Variants in LRP1B observed in about 807,000 individuals in gnomAD.
The protein encoded by LRP1B is low-density lipoprotein receptor-related protein 1B.
LRP1B carries 217 observed loss-of-function variants against 556.6 expected under a neutral mutation model. That is an observed-to-expected ratio of 0.39 (90% CI 0.35 to 0.44). The LOEUF (loss-of-function observed/expected upper bound fraction) is 0.44. Among genes scored for constraint, LRP1B ranks in the 20% least tolerant of loss-of-function variants. LRP1B has a pLI of 1.00. For synonymous variants in LRP1B, 2,047 were observed against 1,865.8 expected, an observed-to-expected ratio of 1.10 and a Z score of -2.50; for missense variants, 5,053 against 5,620.8, an observed-to-expected ratio of 0.90 and a Z score of 3.23.
intron 15 of LRP1B, 85 bp from the exon 16 acceptor site, chr2:140,994,220 T>G (rs1403728113): frequency 8.2e-7 from 1 of 1,226,758 alleles, no homozygotes; most frequent in African/African-American, 1.5e-5. Context: ...GTTTTTTGTT[T>G]GTTTTAGATT....
At chr2:140,907,794 A>G in intron 22 of LRP1B, 83 bp downstream of exon 22, 1 of 1,151,730 alleles carries the variant, frequency 8.7e-7, no homozygotes, top group Non-Finnish European at 1.3e-6. Context: ...GAAAGGAATG[A>G]ATGCTACTAT....
Position 140,840,948 on chromosome 2 carries a change from G to A in LRP1B, c.5084C>T (p.Pro1695Leu), listed in dbSNP as rs1692084799. 1.2e-6 allele frequency: 2 copies of A among 1,612,896 alleles called. No individual in the cohort carries two copies. The highest frequency in any genetic ancestry group is 1.7e-6 in the Non-Finnish European group (2 of 1,179,408). Residue 1695 changes from proline to leucine, a missense_variant, in exon 30 of 91, where the codon CCA becomes CTA. Transcript: ENST00000389484. Reference protein sequence around the residue: ...KTSIIHGIDKPQCLAAHPVRG... With the variant: ...KTSIIHGIDKLQCLAAHPVRG... ...GACTGGGTGAGCTGCAAGACACTGTGGCTTATCGATTCCATGGATAATTGA... is the reference window on the plus strand; with the variant it reads ...GACTGGGTGAGCTGCAAGACACTGTAGCTTATCGATTCCATGGATAATTGA...
At chr2:140,438,364 G>A (rs1686279417) in intron 66 of LRP1B, among the ~76,000 whole-genome samples, 1 of 152,020 alleles carries the variant, frequency 6.6e-6, no homozygotes, top group Non-Finnish European at 1.5e-5. Flanking sequence ...GAGTTATAAG[G>A]TATAAGAATA....
intron 1 of LRP1B, among the ~76,000 whole-genome samples, chr2:142,085,253 T>C (rs1705872393): frequency 6.6e-6 from 1 of 152,210 alleles, no homozygotes; most frequent in Admixed American, 6.5e-5. Context: ...TCAGGATGTC[T>C]TCCTGGCTCC....
chr2:140,750,260 A>C (rs1368787989), intron 35 of LRP1B, among the ~76,000 whole-genome samples: 2 of 152,206 alleles, frequency 1.3e-5, no homozygotes, highest in Admixed American at 1.3e-4. Flanking sequence ...AGTCTAGCAG[A>C]CTATATATGG....
intron 3 of LRP1B, among the ~76,000 whole-genome samples, chr2:141,460,145 T>C (rs1681804040): frequency 6.6e-6 from 1 of 152,174 alleles, no homozygotes; most frequent in Non-Finnish European, 1.5e-5. Context: ...ATGCGTTACA[T>C]TCAACTTGAA....
At position 140,351,027 on chromosome 2, in the gene LRP1B, G is replaced by T. The variant is rs2105116819; in HGVS notation, c.11662C>A (p.Gln3888Lys). Residue 3888 changes from glutamine (Q) to lysine (K), a missense_variant, in exon 77 of 91, where the codon CAA (glutamine) becomes AAA (lysine). Physicochemically the swap from Gln to Lys is moderately conservative, Grantham distance 53. Transcript: ENST00000389484. ...GTGTCATTAGCAATGTAGAGAACTT[G>T]ATCTTCAGAGCCTGGAGATTATTAT... The part of the protein sequence containing the change: ...NTCIAEGSED[Q>K]VLYIANDTDI... The T allele has an allele frequency of 6.4e-7, 1 of 1,573,690 alleles. No individual in the cohort carries two copies. Among genetic ancestry groups the T allele is most frequent in the South Asian group, 1.2e-5 (1 of 85,752 alleles).
chr2:141,074,855 TGTTCA>T (rs1699746938), intron 7 of LRP1B, among the ~76,000 whole-genome samples: 1 of 152,114 alleles, frequency 6.6e-6, no homozygotes, highest in African/African-American at 2.4e-5. Flanking sequence ...ATTATTACTT[TGTTCA>T]GTTCGTTTTC....
intron 68 of LRP1B, among the ~76,000 whole-genome samples, chr2:140,374,616 C>T (rs868066044): frequency 8.6e-5 from 13 of 151,910 alleles, no homozygotes; most frequent in African/African-American, 2.9e-4. Flanking sequence ...CTATTAGTGC[C>T]GGGGACATAG....
chr2:141,829,106 T>C (rs1697027361), intron 1 of LRP1B, among the ~76,000 whole-genome samples: 1 of 152,086 alleles, frequency 6.6e-6, no homozygotes, highest in African/African-American at 2.4e-5. Flanking sequence ...GTTAGCTATT[T>C]ATATTATTAC....
chr2:140,480,210 G>C (rs1688174978), intron 59 of LRP1B, among the ~76,000 whole-genome samples: 1 of 152,170 alleles, frequency 6.6e-6, no homozygotes, highest in Admixed American at 6.5e-5. Flanking sequence ...ATGTTTTACA[G>C]AGGAAGTAAT....
intron 1 of LRP1B, among the ~76,000 whole-genome samples, chr2:142,030,254 G>A (rs1703643343): frequency 6.6e-6 from 1 of 151,834 alleles, no homozygotes; most frequent in Admixed American, 6.6e-5. Flanking sequence ...TTATGAAGAA[G>A]GCTATAAAAG....
chr2:141,531,850 G>C (rs1403434947), intron 2 of LRP1B, among the ~76,000 whole-genome samples: 1 of 140,354 alleles, frequency 7.1e-6, no homozygotes, highest in East Asian at 2.6e-4. Context: ...CATCCCACAA[G>C]TGTGTGGGGT....
Position 140,287,641 on chromosome 2 carries a change from TAA to T in LRP1B, c.12967+10165_12967+10166del, listed in dbSNP as rs34500444. Among the ~76,000 whole-genome samples, 704 of 135,240 alleles carry T rather than the reference TAA, an allele frequency of 5.2e-3. 2 individuals carry two copies. Among genetic ancestry groups the T allele is most frequent in the Middle Eastern group, 7.8e-3 (2 of 258 alleles). 88.7% of individuals were successfully genotyped at this position (135,240 alleles called of 152,430 possible). A position where few individuals can be genotyped will look rare whatever the true frequency, so the allele number is the denominator to read the frequency against. Reference sequence around the variant, plus strand: ...ATGGATCTTCAAGGGATATTGCAAGTAAAAAAAAAAAAAAAAAAAATCCAAAT... The same window carrying T: ...ATGGATCTTCAAGGGATATTGCAAGTAAAAAAAAAAAAAAAAAATCCAAAT... On this transcript the variant is annotated intron_variant, in intron 84 of 90. Coordinates refer to ENST00000389484, the MANE Select transcript of LRP1B (RefSeq NM_018557.3).
chr2:141,966,099 A>C (rs1157672926), intron 1 of LRP1B, among the ~76,000 whole-genome samples: 1 of 151,822 alleles, frequency 6.6e-6, no homozygotes, highest in African/African-American at 2.4e-5. Context: ...TGAGGTAAAG[A>C]GAGGTATTAG....
intron 25 of LRP1B, among the ~76,000 whole-genome samples, chr2:140,877,152 C>T (rs113600341): frequency 6.6e-6 from 1 of 152,032 alleles, no homozygotes; most frequent in African/African-American, 2.4e-5. Flanking sequence ...AGATAGACAA[C>T]TTAAACTTCA....
Position 140,851,933 on chromosome 2 carries a change from C to T in LRP1B, c.4580-150G>A, listed in dbSNP as rs936742004. 14 of 526,160 alleles carry T rather than the reference C, an allele frequency of 2.7e-5. No individual in the cohort carries two copies. In the East Asian group the frequency reaches 4.0e-4, roughly 15 times the overall value. The allele number at this position is 526,160 out of a possible 1,614,324, so 32.6% of individuals were successfully genotyped here. ...GGGTGATTAATATGACAATAATAGA[C>T]AATCATACACAGCAATTACATTAAT... On this transcript the variant is annotated intron_variant, in intron 27 of 90. Coordinates refer to ENST00000389484, the MANE Select transcript of LRP1B (RefSeq NM_018557.3).
At chr2:140,861,570 G>T (rs1692799000) in intron 27 of LRP1B, among the ~76,000 whole-genome samples, 1 of 152,150 alleles carries the variant, frequency 6.6e-6, no homozygotes, top group African/African-American at 2.4e-5. Context: ...AAGCAATCTG[G>T]CTCTAGACTA....
intron 6 of LRP1B, among the ~76,000 whole-genome samples, chr2:141,223,559 G>A (rs901019495): frequency 6.6e-6 from 1 of 152,056 alleles, no homozygotes; most frequent in Non-Finnish European, 1.5e-5. Flanking sequence ...CATCAAAAAA[G>A]AGCCTGTATA....
Sources: gnomAD v4.1 joint callset for allele counts (sites outside exome capture counted in the v4.1 genomes callset) on GRCh38, gnomAD v4.1.1 for gene constraint, MANE v1.5 for transcripts, NCBI Gene and HGNC (gene_info 2026-07-23, HGNC 2026-07-21) for gene names.